The following ABAT variants were observed in gnomAD, a reference collection of about 807,000 sequenced individuals.
The protein encoded by ABAT is 4-aminobutyrate aminotransferase, mitochondrial.
ABAT carries 45 observed loss-of-function variants against 64.6 expected under a neutral mutation model. That is an observed-to-expected ratio of 0.70 (90% CI 0.55 to 0.89). The LOEUF (loss-of-function observed/expected upper bound fraction) is 0.89, where lower values mean the gene tolerates loss of function less well. Ranked by LOEUF, ABAT falls within the 40% of genes least tolerant of loss-of-function variation. The pLI is 0.00. For missense variants in ABAT, 633 were observed against 658.4 expected (o/e 0.96, Z 0.42); for synonymous variants, 297 against 250.5 (o/e 1.19, Z -1.75).
intron 1 of ABAT, among the ~76,000 whole-genome samples, chr16:8,690,286 G>A (rs142664184): frequency 1.9e-3 from 282 of 152,232 alleles, no homozygotes; most frequent in African/African-American, 6.5e-3. Context: ...AGGTGGACCT[G>A]GTGCCAGCCG....
chr16:8,779,670 C>T, intron 15 of ABAT, 80 bp downstream of exon 15: 4 of 1,199,864 alleles, frequency 3.3e-6, no homozygotes, highest in Non-Finnish European at 4.9e-6. Context: ...GCTAGGTACT[C>T]AGCAATATTT....
At chr16:8,745,317 T>C (rs2059298868) in intron 2 of ABAT, among the ~76,000 whole-genome samples, 1 of 152,120 alleles carries the variant, frequency 6.6e-6, no homozygotes, top group African/African-American at 2.4e-5. Context: ...ATGATGAATA[T>C]TGTCTACCTC....
chr16:8,756,530 G>T (rs73499600), intron 5 of ABAT, among the ~76,000 whole-genome samples: 3,185 of 152,094 alleles, frequency 0.021, 112 homozygotes, highest in African/African-American at 0.073. Context: ...TAATAGAGTG[G>T]GGACCAGTGC....
intron 12 of ABAT, among the ~76,000 whole-genome samples, chr16:8,773,188 G>C (rs1372741802): frequency 6.8e-6 from 1 of 147,704 alleles, no homozygotes; most frequent in Non-Finnish European, 1.5e-5. Context: ...GTCTCACTCT[G>C]TTACCCAGGC....
chr16:8,691,951 T>C (rs2057593674), intron 1 of ABAT, among the ~76,000 whole-genome samples: 1 of 152,228 alleles, frequency 6.6e-6, no homozygotes, highest in African/African-American at 2.4e-5. Flanking sequence ...TCTATACCCC[T>C]TCCAGTGTTT....
intron 1 of ABAT, among the ~76,000 whole-genome samples, chr16:8,695,201 G>A (rs2057674972): frequency 6.6e-6 from 1 of 152,186 alleles, no homozygotes; most frequent in Admixed American, 6.5e-5. Flanking sequence ...TCAAAGCTAC[G>A]CGGTTTTGGG....
chr16:8,737,803 C>T (rs544825125), intron 2 of ABAT, among the ~76,000 whole-genome samples: 1 of 149,802 alleles, frequency 6.7e-6, no homozygotes, highest in Non-Finnish European at 1.5e-5. Flanking sequence ...TGGCAGGCAC[C>T]TGTAATCCCA....
rs76459614 is a variant in ABAT, at chr16:8,750,297, C to G, written c.199-125C>G. 7.4e-3 allele frequency: 6,393 copies of G among 868,556 alleles called. 261 individuals carry two copies. In the African/African-American group the frequency reaches 0.091, roughly 12 times the overall value. The allele number at this position is 868,556 out of a possible 1,614,324, so 53.8% of individuals were successfully genotyped here. ...ACAAGAAATACATTGCTGGCACCCA[C>G]AGATGCCTCTGTGTGTCCACAGATA... is the stretch of plus-strand genomic sequence containing the variant. On this transcript the variant is annotated intron_variant, in intron 4 of 15. Coordinates refer to ENST00000268251, the MANE Select transcript of ABAT (RefSeq NM_020686.6).
At chr16:8,727,032 C>T (rs1284322288) in intron 1 of ABAT, among the ~76,000 whole-genome samples, 2 of 152,018 alleles carry the variant, frequency 1.3e-5, no homozygotes, top group African/African-American at 4.8e-5. Flanking sequence ...ATTTTTTGAT[C>T]GAATTATGAG....
At chr16:8,693,389 G>GAA (rs35771183) in intron 1 of ABAT, among the ~76,000 whole-genome samples, 27 of 152,052 alleles carry the variant, frequency 1.8e-4, no homozygotes, top group Non-Finnish European at 8.8e-5. Flanking sequence ...TATATTTATT[G>GAA]AAAAAAATCC....
intron 1 of ABAT, among the ~76,000 whole-genome samples, chr16:8,707,353 A>ATTTTTT (rs386384172): frequency 8.1e-6 from 1 of 123,946 alleles, no homozygotes; most frequent in Non-Finnish European, 1.6e-5. Context: ...TGCCAGGGTA[A>ATTTTTT]TTTTTTTTTT....
intron 1 of ABAT, among the ~76,000 whole-genome samples, chr16:8,726,243 T>C (rs1054093403): frequency 2.0e-5 from 3 of 148,518 alleles, no homozygotes; most frequent in South Asian, 2.1e-4. Flanking sequence ...TCCATCCACG[T>C]TGTTGCAAAT....
intron 1 of ABAT, among the ~76,000 whole-genome samples, chr16:8,705,853 G>A (rs1567277027): frequency 1.3e-5 from 2 of 152,196 alleles, no homozygotes; most frequent in African/African-American, 2.4e-5. Context: ...TTGCTTGAGT[G>A]TAATTGTGCA....
At chr16:8,692,897 A>G (rs2057617816) in intron 1 of ABAT, among the ~76,000 whole-genome samples, 1 of 152,242 alleles carries the variant, frequency 6.6e-6, no homozygotes, top group Non-Finnish European at 1.5e-5. Context: ...TCTGTTGCCC[A>G]GGCTGGAGTG....
chr16:8,720,592 C>A (rs1374344706), intron 1 of ABAT: 8 of 152,296 alleles, frequency 5.3e-5, no homozygotes, highest in Admixed American at 3.9e-4. Flanking sequence ...GCCTCTGTCC[C>A]TGTGCCACTG....
chr16:8,748,327 C>T (rs545378395), intron 4 of ABAT, among the ~76,000 whole-genome samples, 190 bp downstream of exon 4: 2 of 152,184 alleles, frequency 1.3e-5, no homozygotes, highest in East Asian at 3.8e-4. Context: ...TTAATTTCTA[C>T]GCTTTGGTAA....
At chr16:8,723,030 C>G (rs937964221) in intron 1 of ABAT, among the ~76,000 whole-genome samples, 1 of 152,060 alleles carries the variant, frequency 6.6e-6, no homozygotes, top group Non-Finnish European at 1.5e-5. Flanking sequence ...GTCAGGAGTT[C>G]AAGACCAGCC....
chr16:8,693,578 C>G (rs2057634194), intron 1 of ABAT, among the ~76,000 whole-genome samples: 1 of 152,154 alleles, frequency 6.6e-6, no homozygotes, highest in South Asian at 2.1e-4. Context: ...ACGTGATCCT[C>G]ATGCCTCGGC....
At chr16:8,743,402 C>T (rs2059223615) in intron 2 of ABAT, among the ~76,000 whole-genome samples, 1 of 95,070 alleles carries the variant, frequency 1.1e-5, no homozygotes, top group African/African-American at 5.7e-5. Context: ...TTTAGAGTCC[C>T]CTCTTGTGTA....
Sources: gnomAD v4.1 joint callset for allele counts (sites outside exome capture counted in the v4.1 genomes callset) on GRCh38, gnomAD v4.1.1 for gene constraint, MANE v1.5 for transcripts, NCBI Gene and HGNC (gene_info 2026-07-23, HGNC 2026-07-21) for gene names.